Variants in RAB27B observed in about 807,000 individuals in gnomAD.
RAB27B encodes RAB27B, member RAS oncogene family.
RAB27B carries 15 observed loss-of-function variants against 24.6 expected under a neutral mutation model. The observed-to-expected ratio is 0.61, with a 90% confidence interval of 0.41 to 0.94. The LOEUF is 0.94. Among genes scored for constraint, RAB27B ranks in the 40% least tolerant of loss-of-function variants. The pLI is 0.00. For synonymous variants in RAB27B, 105 were observed against 92.5 expected (o/e 1.14, Z -0.78); for missense variants, 261 against 266.8 (o/e 0.98, Z 0.15).
At chr18:54,796,468 G>A (rs1440105887) in intron 2 of RAB27B, among the ~76,000 whole-genome samples, 1 of 152,178 alleles carries the variant, frequency 6.6e-6, no homozygotes, top group Non-Finnish European at 1.5e-5. Context: ...CTTTTATTGA[G>A]TGATGGAGGT....
chr18:54,868,624 T>TG (rs1912339553), intron 1 of RAB27B, among the ~76,000 whole-genome samples: 2 of 54,708 alleles, frequency 3.7e-5, no homozygotes, highest in African/African-American at 1.0e-4. Context: ...TTGTTGTTGT[T>TG]TGTTTGTTTG....
intron 3 of RAB27B, chr18:54,880,390 A>T (rs935757035): frequency 6.6e-6 from 1 of 152,216 alleles, no homozygotes; most frequent in Non-Finnish European, 1.5e-5. Context: ...AGATTAAATT[A>T]AAAGTGGCAA....
At chr18:54,847,582 C>T (rs939444857) in intron 1 of RAB27B, among the ~76,000 whole-genome samples, 1 of 152,092 alleles carries the variant, frequency 6.6e-6, no homozygotes, top group African/African-American at 2.4e-5. Flanking sequence ...TTTTAAATAC[C>T]TATGCTCATT....
chr18:54,756,230 C>G (rs903787201), intron 2 of RAB27B, among the ~76,000 whole-genome samples: 23 of 152,132 alleles, frequency 1.5e-4, no homozygotes, highest in African/African-American at 5.3e-4. Flanking sequence ...CAAAAGTTTG[C>G]CTGTTCTGTA....
chr18:54,767,481 T>C (rs1908400247), intron 2 of RAB27B, among the ~76,000 whole-genome samples: 1 of 152,198 alleles, frequency 6.6e-6, no homozygotes, highest in Non-Finnish European at 1.5e-5. Context: ...TGGTGATTAA[T>C]TAGTGGCTCT....
At chr18:54,781,649 C>G (rs943125064) in intron 2 of RAB27B, among the ~76,000 whole-genome samples, 1 of 152,058 alleles carries the variant, frequency 6.6e-6, no homozygotes, top group South Asian at 2.1e-4. Flanking sequence ...TCCCACATAC[C>G]TTTTTCTGCA....
intron 1 of RAB27B, among the ~76,000 whole-genome samples, chr18:54,854,359 T>C (rs1911701159): frequency 6.6e-6 from 1 of 152,212 alleles, no homozygotes; most frequent in African/African-American, 2.4e-5. Context: ...CTTCTAGTTC[T>C]CCACTTTCCC....
chr18:54,847,498 G>A (rs905519045), intron 1 of RAB27B, among the ~76,000 whole-genome samples: 3 of 152,198 alleles, frequency 2.0e-5, no homozygotes, highest in African/African-American at 7.2e-5. Context: ...TTAGGAATAT[G>A]ATGTTAGTTA....
At chr18:54,886,446 A>G (rs1913139930) in intron 4 of RAB27B, among the ~76,000 whole-genome samples, 1 of 152,140 alleles carries the variant, frequency 6.6e-6, no homozygotes, top group South Asian at 2.1e-4. Flanking sequence ...TGTATTTTGT[A>G]TATAATTCAT....
At chr18:54,731,383 G>A (rs150616126) in intron 2 of RAB27B, among the ~76,000 whole-genome samples, 1 of 152,202 alleles carries the variant, frequency 6.6e-6, no homozygotes, top group African/African-American at 2.4e-5. Context: ...TAGGAAGTTT[G>A]AACAACACAA....
At chr18:54,761,217 C>T (rs1908177877) in intron 2 of RAB27B, among the ~76,000 whole-genome samples, 1 of 152,028 alleles carries the variant, frequency 6.6e-6, no homozygotes, top group African/African-American at 2.4e-5. Context: ...AGCTCAACTC[C>T]TTAGACTCTT....
intron 2 of RAB27B, among the ~76,000 whole-genome samples, chr18:54,726,713 T>C (rs1959082679): frequency 6.6e-6 from 1 of 151,674 alleles, no homozygotes; most frequent in South Asian, 2.1e-4. Context: ...ATGATTTATA[T>C]GATTTTCTTT....
chr18:54,751,010 A>G (rs1568052089), intron 2 of RAB27B, among the ~76,000 whole-genome samples: 1 of 152,188 alleles, frequency 6.6e-6, no homozygotes, highest in Non-Finnish European at 1.5e-5. Context: ...AGAGGAAGGC[A>G]GATGACAGTC....
At chr18:54,783,557 T>A (rs905157205) in intron 2 of RAB27B, among the ~76,000 whole-genome samples, 1 of 152,022 alleles carries the variant, frequency 6.6e-6, no homozygotes. Flanking sequence ...TTTCTTGTTG[T>A]CATGTCAGTC....
chr18:54,814,220 C>T (rs75953618), intron 2 of RAB27B, among the ~76,000 whole-genome samples: 2,390 of 152,280 alleles, frequency 0.016, 75 homozygotes, highest in African/African-American at 0.054. Context: ...GACTTGTAGG[C>T]TATGACAACT....
chr18:54,850,333 G>GAT (rs35735191), intron 1 of RAB27B, among the ~76,000 whole-genome samples: 5,108 of 95,208 alleles, frequency 0.054, 439 homozygotes, highest in Non-Finnish European at 0.062. Flanking sequence ...AAACAAACAG[G>GAT]ATATATATAT....
intron 2 of RAB27B, among the ~76,000 whole-genome samples, chr18:54,792,846 AAG>A (rs1909295920): frequency 1.3e-5 from 2 of 152,242 alleles, no homozygotes; most frequent in Admixed American, 6.5e-5. Context: ...ACTCAGGTAT[AAG>A]AGATTTGCAA....
intron 2 of RAB27B, among the ~76,000 whole-genome samples, chr18:54,739,097 GA>G (rs1256885948): frequency 1.3e-5 from 2 of 152,108 alleles, no homozygotes; most frequent in South Asian, 4.1e-4. Flanking sequence ...TCATGTTTTT[GA>G]GTTTTGCTGT....
chr18:54,778,309 C>T (rs548488618), intron 2 of RAB27B, among the ~76,000 whole-genome samples: 1 of 152,048 alleles, frequency 6.6e-6, no homozygotes, highest in East Asian at 1.9e-4. Context: ...ACTGTTTCTC[C>T]ACGTCCTTCA....
Sources: allele counts gnomAD v4.1 joint callset (sites outside exome capture counted in the v4.1 genomes callset), GRCh38; gene constraint gnomAD v4.1.1; transcripts MANE v1.5; gene names NCBI Gene and HGNC (gene_info 2026-07-23, HGNC 2026-07-21).